Variants in PGGT1B observed in about 807,000 individuals in gnomAD.
The protein encoded by PGGT1B is geranylgeranyl transferase type-1 subunit beta.
Under a neutral mutation model 46.1 loss-of-function variants are expected in PGGT1B, and 30 were observed. That is an observed-to-expected ratio of 0.65 (90% CI 0.49 to 0.88). The LOEUF (loss-of-function observed/expected upper bound fraction) is 0.88. Ranked by LOEUF, PGGT1B falls within the 40% of genes least tolerant of loss-of-function variation. The probability of loss-of-function intolerance (pLI) is 0.00; values close to 1 mark genes in which losing one functional copy is unlikely to be tolerated. For missense variants in PGGT1B, 376 were observed against 455.9 expected (o/e 0.82, Z 1.60); for synonymous variants, 170 against 160.0 (o/e 1.06, Z -0.47).
intron 6 of PGGT1B, among the ~76,000 whole-genome samples, chr5:115,225,564 T>C (rs762090689): frequency 2.7e-4 from 41 of 152,130 alleles, no homozygotes; most frequent in Non-Finnish European, 5.0e-4. Flanking sequence ...AAAAATCATA[T>C]AGCTAAAGTA....
chr5:115,229,444 C>T (rs1447261100), intron 6 of PGGT1B, among the ~76,000 whole-genome samples: 1 of 152,166 alleles, frequency 6.6e-6, no homozygotes, highest in Non-Finnish European at 1.5e-5. Flanking sequence ...TGGGCATGAA[C>T]TATAGCCCAT....
At position 115,211,914 on chromosome 5, in the gene PGGT1B, A is replaced by T. The variant is rs1245348887; in HGVS notation, c.*488T>A. 6.5e-6 allele frequency: 1 copy of T among 154,154 alleles called. No homozygotes were observed. Among genetic ancestry groups the T allele is most frequent in the African/African-American group, 2.4e-5 (1 of 41,414 alleles). The allele number at this position is 154,154 out of a possible 1,614,324, so 9.5% of individuals were successfully genotyped here. ...AAGACAAAATAAGTCACTCTTCTTT[A>T]AAAAAAATTATGGTCATCTGTTTTC... On this transcript the variant is annotated 3_prime_UTR_variant, in exon 9 of 9. Transcript: ENST00000419445.
chr5:115,218,243 T>C (rs1756479857), intron 7 of PGGT1B, among the ~76,000 whole-genome samples: 1 of 151,604 alleles, frequency 6.6e-6, no homozygotes, highest in Admixed American at 6.6e-5. Context: ...TATGGTAATG[T>C]CCACAAGAAT....
intron 2 of PGGT1B, chr5:115,252,738 A>G (rs1748156598): frequency 6.4e-6 from 1 of 156,148 alleles, no homozygotes; most frequent in Admixed American, 6.5e-5. Flanking sequence ...AATAATCAGG[A>G]AACTGAAAGA....
intron 8 of PGGT1B, among the ~76,000 whole-genome samples, chr5:115,215,293 G>A (rs115628511): frequency 0.048 from 7,230 of 151,046 alleles, 242 homozygotes; most frequent in Non-Finnish European, 0.067. Context: ...ACTGCACCCG[G>A]CCATTTATTT....
At chr5:115,218,859 T>C (rs1157860292) in intron 7 of PGGT1B, among the ~76,000 whole-genome samples, 2 of 151,796 alleles carry the variant, frequency 1.3e-5, no homozygotes, top group Admixed American at 1.3e-4. Context: ...TACAAGAGCA[T>C]CTGAAATGAT....
chr5:115,228,205 C>T (rs1756853960), intron 6 of PGGT1B, among the ~76,000 whole-genome samples: 1 of 152,122 alleles, frequency 6.6e-6, no homozygotes, highest in South Asian at 2.1e-4. Context: ...ACAGAAGTAA[C>T]AGTGCAGACT....
At chr5:115,232,834 A>C (rs1036641426) in intron 5 of PGGT1B, among the ~76,000 whole-genome samples, 4 of 152,054 alleles carry the variant, frequency 2.6e-5, no homozygotes, top group African/African-American at 9.7e-5. Flanking sequence ...CAGGGCTCAA[A>C]GAGTGTAAAT....
chr5:115,229,011 AAGAG>A (rs1355963476), intron 6 of PGGT1B, among the ~76,000 whole-genome samples: 7 of 152,140 alleles, frequency 4.6e-5, no homozygotes, highest in African/African-American at 1.7e-4. Context: ...AAAAAAGAAA[AAGAG>A]AGAACACAAT....
chr5:115,259,612 C>A (rs142103753), intron 1 of PGGT1B, among the ~76,000 whole-genome samples: 3 of 148,796 alleles, frequency 2.0e-5, no homozygotes, highest in South Asian at 2.1e-4. Context: ...TCGCTTGAAC[C>A]CAGGAGGCGG....
intron 2 of PGGT1B, among the ~76,000 whole-genome samples, chr5:115,242,183 G>T (rs539931288): frequency 6.6e-6 from 1 of 152,130 alleles, no homozygotes; most frequent in South Asian, 2.1e-4. Context: ...AACACTGTAA[G>T]TTAGCACTTA....
intron 2 of PGGT1B, among the ~76,000 whole-genome samples, chr5:115,252,280 A>T (rs1241601347): frequency 6.6e-6 from 1 of 152,056 alleles, no homozygotes. Flanking sequence ...AAAGTTATAT[A>T]AAAACAAACA....
chr5:115,254,510 G>A (rs961554926), intron 1 of PGGT1B, among the ~76,000 whole-genome samples: 2 of 151,610 alleles, frequency 1.3e-5, no homozygotes, highest in Admixed American at 6.6e-5. Flanking sequence ...TGCTCAAACC[G>A]TTTCTGATTT....
chr5:115,243,412 T>G (rs536814842), intron 2 of PGGT1B, among the ~76,000 whole-genome samples: 4 of 152,314 alleles, frequency 2.6e-5, no homozygotes, highest in Admixed American at 6.5e-5. Flanking sequence ...CAGAGAAATG[T>G]ATTTGATCAA....
intron 5 of PGGT1B, 47 bp downstream of exon 5, chr5:115,236,343 T>A (rs1156680217): frequency 6.7e-7 from 1 of 1,494,748 alleles, no homozygotes; most frequent in Non-Finnish European, 9.1e-7. Context: ...AGCCCTCATG[T>A]ACCAGCAAAA....
chr5:115,245,915 G>A (rs1301308520), intron 2 of PGGT1B, among the ~76,000 whole-genome samples: 1 of 152,070 alleles, frequency 6.6e-6, no homozygotes, highest in Non-Finnish European at 1.5e-5. Context: ...GAATTCTCCT[G>A]TTTCTTATGA....
rs748433127 is a variant in PGGT1B at position 115,212,415 on chromosome 5, T to C, written c.1121A>G (p.His374Arg). 9 of 1,580,968 alleles carry C rather than the reference T, an allele frequency of 5.7e-6. No individual in the cohort carries two copies. The highest frequency in any genetic ancestry group is 4.4e-5 in the South Asian group (4 of 90,760). ...KDSKQCSENV[H>R]IST ...ATCTAAAATCAGTCATGTGGAGATA[T>C]GTACATTCTCTGAGCATTGTTTAGA... The change falls in exon 9 of 9, where the codon CAT becomes CGT. Residue 374 changes from histidine to arginine, a missense_variant. By Grantham distance (29) the His-to-Arg change is conservative (BLOSUM62 0). Transcript: ENST00000419445.
chr5:115,212,096 G>A lies in PGGT1B; in HGVS notation c.*306C>T, dbSNP rs1247694392. On this transcript the variant is annotated 3_prime_UTR_variant, in exon 9 of 9. Coordinates refer to ENST00000419445, the MANE Select transcript of PGGT1B (RefSeq NM_005023.4). ...TCCATTTTATAATAAGATACAATTT[G>A]CACTGAAGAGTTTTTAAAAAGATAA... 2 of 252,256 alleles carry A rather than the reference G, an allele frequency of 7.9e-6. No homozygotes were observed. Among genetic ancestry groups the A allele is most frequent in the African/African-American group, 4.6e-5 (2 of 43,944 alleles). 15.6% of individuals were successfully genotyped at this position (252,256 alleles called of 1,614,324 possible).
intron 3 of PGGT1B, among the ~76,000 whole-genome samples, chr5:115,238,964 C>T (rs1425684406): frequency 6.6e-6 from 1 of 152,146 alleles, no homozygotes; most frequent in Non-Finnish European, 1.5e-5. Flanking sequence ...TCTATGGTTC[C>T]TCACAGAATG....
Sources: allele counts gnomAD v4.1 joint callset (sites outside exome capture counted in the v4.1 genomes callset), GRCh38; gene constraint gnomAD v4.1.1; transcripts MANE v1.5; gene names NCBI Gene and HGNC (gene_info 2026-07-23, HGNC 2026-07-21).